Variants in ARHGAP20 observed in about 807,000 individuals in gnomAD.
ARHGAP20 encodes the protein Rho GTPase activating protein 20.
Under a neutral mutation model 73.7 loss-of-function variants are expected in ARHGAP20, and 34 were observed. The observed-to-expected ratio is 0.46, with a 90% CI of 0.35 to 0.61. The LOEUF is 0.61. Among genes scored for constraint, ARHGAP20 ranks in the 20% least tolerant of loss-of-function variants. The probability of loss-of-function intolerance (pLI) is 0.00; values close to 1 mark genes in which losing one functional copy is unlikely to be tolerated. For missense variants in ARHGAP20, 1,314 were observed against 1,420.9 expected (o/e 0.92, Z 1.21); for synonymous variants, 523 against 518.2 (o/e 1.01, Z -0.13).
chr11:110,632,898 AT>A (rs148402313), intron 2 of ARHGAP20, among the ~76,000 whole-genome samples: 2,543 of 152,170 alleles, frequency 0.017, 75 homozygotes, highest in African/African-American at 0.058. Context: ...TTGGCAGGTT[AT>A]GTGTTTTGGA....
intron 6 of ARHGAP20, among the ~76,000 whole-genome samples, chr11:110,611,748 G>A (rs564567183): frequency 7.8e-4 from 119 of 152,156 alleles, no homozygotes; most frequent in African/African-American, 2.8e-3. Context: ...TTTCCATAAG[G>A]CAATGGGTAA....
chr11:110,656,521 TCCTCTTAGTAAGGGAGAGAGTTC>T (rs1210843212), intron 2 of ARHGAP20, among the ~76,000 whole-genome samples: 2 of 152,152 alleles, frequency 1.3e-5, no homozygotes, highest in Non-Finnish European at 2.9e-5. Context: ...TTTGCCTGAG[TCCTCTTAGTAAGGGAGAGAGTTC>T]CCTCTCCAAG....
chr11:110,587,242 C>T (rs1454236579), intron 11 of ARHGAP20, among the ~76,000 whole-genome samples: 1 of 152,138 alleles, frequency 6.6e-6, no homozygotes, highest in African/African-American at 2.4e-5. Flanking sequence ...ATGGCATTAC[C>T]AAGGTCAAGC....
chr11:110,702,048 A>G lies in ARHGAP20; in HGVS notation c.105+10079T>C, dbSNP rs1438595032. Among the ~76,000 whole-genome samples, 4 of 152,048 alleles carry G rather than the reference A, an allele frequency of 2.6e-5. 1 individual carries two copies. The highest frequency in any genetic ancestry group is 1.3e-4 in the Admixed American group (2 of 15,260). On this transcript the variant is annotated intron_variant, in intron 1 of 14. Coordinates refer to ENST00000683387, the MANE Select transcript of ARHGAP20 (RefSeq NM_001384657.1). ...TCCAGCTTTGTTCTTTTGGCTTAGG[A>G]TTGACTTGGCGATGCGGGCTCTTTT...
chr11:110,583,509 C>CTCAG (rs755152832), intron 13 of ARHGAP20, 39 bp downstream of exon 13: 14 of 1,477,374 alleles, frequency 9.5e-6, no homozygotes, highest in Non-Finnish European at 1.2e-5. Flanking sequence ...AAAACGGGGA[C>CTCAG]TCAGTCTCCC....
Position 110,712,185 on chromosome 11 carries a change from C to T in ARHGAP20, c.47G>A (p.Gly16Glu), listed in dbSNP as rs747770813. The change falls in exon 1 of 15, where the codon GGG (glycine) becomes GAG (glutamate). Residue 16 changes from glycine to glutamate, a missense_variant. Gly to Glu is a moderately conservative substitution (Grantham distance 98, BLOSUM62 -2). Transcript: ENST00000683387. ...CACTCCTGTCAGGGAAGAGGAGCGC[C>T]CCGGCTGTCCCCCTAGAGTCTCCTG... ...PQQETLGGQP[G>E]RSSSLTGVSR... The T allele has an allele frequency of 7.3e-7, 1 of 1,360,984 alleles. No individual in the cohort carries two copies. Among genetic ancestry groups the T allele is most frequent in the Admixed American group, 3.0e-5 (1 of 33,660 alleles). 84.3% of individuals were successfully genotyped at this position (1,360,984 alleles called of 1,614,324 possible).
At chr11:110,686,093 A>G (rs1350874910) in intron 2 of ARHGAP20, among the ~76,000 whole-genome samples, 1 of 152,168 alleles carries the variant, frequency 6.6e-6, no homozygotes, top group Non-Finnish European at 1.5e-5. Flanking sequence ...AGTTAGAAGT[A>G]CATCACTGAA....
intron 2 of ARHGAP20, among the ~76,000 whole-genome samples, chr11:110,674,122 G>A (rs1213369890): frequency 2.0e-5 from 3 of 152,024 alleles, no homozygotes; most frequent in Non-Finnish European, 4.4e-5. Context: ...TTTTAGCAGT[G>A]ATGGGGTTTC....
At chr11:110,653,101 C>A (rs1252950970) in intron 2 of ARHGAP20, among the ~76,000 whole-genome samples, 6 of 152,084 alleles carry the variant, frequency 3.9e-5, no homozygotes, top group Non-Finnish European at 7.4e-5. Flanking sequence ...AAATGTAAAA[C>A]CCCAAACTAT....
chr11:110,591,945 C>G (rs762060654), intron 10 of ARHGAP20, 32 bp downstream of exon 10: 50 of 1,606,590 alleles, frequency 3.1e-5, no homozygotes, highest in Non-Finnish European at 3.5e-5. Flanking sequence ...AACACCCTTT[C>G]CCATCAGTTT....
In ARHGAP20 at chr11:110,579,101, C is replaced by G. The variant is rs1947362235; in HGVS notation, c.*269G>C. ...TCTGCAGAAGATGCTTTCTCTAGCCCTCTGTTAGTATCTCTAAAACCACAT... is the reference window on the plus strand; with the variant it reads ...TCTGCAGAAGATGCTTTCTCTAGCCGTCTGTTAGTATCTCTAAAACCACAT... On this transcript the variant is annotated 3_prime_UTR_variant, in exon 15 of 15. Coordinates refer to ENST00000683387, the MANE Select transcript of ARHGAP20 (RefSeq NM_001384657.1). 9.3e-7 allele frequency: 1 copy of G among 1,073,892 alleles called. No individual in the cohort carries two copies. Among genetic ancestry groups the G allele is most frequent in the African/African-American group, 1.6e-5 (1 of 61,032 alleles). 66.5% of individuals were successfully genotyped at this position (1,073,892 alleles called of 1,614,324 possible). A position where few individuals can be genotyped will look rare whatever the true frequency, so the allele number is the denominator to read the frequency against.
At chr11:110,663,679 G>T (rs1163052981) in intron 2 of ARHGAP20, among the ~76,000 whole-genome samples, 2 of 151,944 alleles carry the variant, frequency 1.3e-5, no homozygotes, top group Non-Finnish European at 2.9e-5. Context: ...ACTAATGAAA[G>T]AAATAAAACT....
chr11:110,630,519 A>G, intron 3 of ARHGAP20, 109 bp downstream of exon 3: 3 of 1,167,610 alleles, frequency 2.6e-6, no homozygotes, highest in East Asian at 2.4e-5. Flanking sequence ...GATATTACCT[A>G]TAGTAACAAA....
In ARHGAP20 at chr11:110,684,711, T is replaced by C. The variant is rs145318820; in HGVS notation, c.188+5836A>G. ...TTAGATAAAGAAAATGTGCTACATA[T>C]ATACCATGGAATACTACGCAGACAT... is the stretch of plus-strand genomic sequence containing the variant. On this transcript the variant is annotated intron_variant, in intron 2 of 14. Transcript: ENST00000683387. Among the ~76,000 whole-genome samples the C allele has an allele frequency of 1.1e-3, 174 of 152,302 alleles. 2 individuals carry two copies. The East Asian group carries it at 0.03, about 26-fold the overall frequency.
Position 110,580,880 on chromosome 11 carries a change from G to A in ARHGAP20, c.2066C>T (p.Ala689Val). 13 of 1,612,864 alleles carry A rather than the reference G, an allele frequency of 8.1e-6. No homozygotes were observed. The highest frequency in any genetic ancestry group is 5.9e-6 in the Non-Finnish European group (7 of 1,178,912). The change falls in exon 15 of 15, where the codon GCT (alanine) becomes GTT (valine). Residue 689 changes from alanine to valine, a missense_variant. By Grantham distance (64) the Ala-to-Val change is moderately conservative. Coordinates refer to ENST00000683387, the MANE Select transcript of ARHGAP20 (RefSeq NM_001384657.1). ...CAGGCTTTTTGCAGCATTTGCTGCA[G>A]CTGTGGACAGGTAGCTGGGTGTGCA... ...AMCTPSYLST[A>V]AANAAKSLRR...
Position 110,698,850 on chromosome 11 carries a change from C to T in ARHGAP20, c.106-8221G>A, listed in dbSNP as rs558635750. On this transcript the variant is annotated intron_variant, in intron 1 of 14. Coordinates refer to ENST00000683387, the MANE Select transcript of ARHGAP20 (RefSeq NM_001384657.1). ...CCAGCAGTCTGTCATTTTTGTGTAA[C>T]CTTTCAAATAACCAACTTTTTGTTT... is the stretch of plus-strand genomic sequence containing the variant. Among the ~76,000 whole-genome samples, 4 of 151,752 alleles carry T rather than the reference C, an allele frequency of 2.6e-5. No individual in the cohort carries two copies. The East Asian group carries it at 7.7e-4, about 29-fold the overall frequency.
intron 1 of ARHGAP20, among the ~76,000 whole-genome samples, chr11:110,698,742 C>T (rs1409834953): frequency 6.6e-6 from 1 of 151,770 alleles, no homozygotes; most frequent in African/African-American, 2.4e-5. Context: ...TCTTTTGTAT[C>T]TCTATGTTAT....
intron 2 of ARHGAP20, among the ~76,000 whole-genome samples, chr11:110,645,732 A>G (rs542679268): frequency 6.6e-6 from 1 of 152,182 alleles, no homozygotes; most frequent in African/African-American, 2.4e-5. Context: ...GTGCTCATCA[A>G]TGGTGGATTG....
chr11:110,611,290 G>A lies in ARHGAP20; in HGVS notation c.708+19C>T. On this transcript the variant is annotated intron_variant, in intron 7 of 14. Coordinates refer to ENST00000683387, the MANE Select transcript of ARHGAP20 (RefSeq NM_001384657.1). ...TCAAAGTTTATTTTTAATTAAGAAT[G>A]TCTAGCAGAATAACTTACAGTTATC... is the stretch of plus-strand genomic sequence containing the variant. 1 of 1,450,994 alleles carries A rather than the reference G, an allele frequency of 6.9e-7. No individual in the cohort carries two copies. The highest frequency in any genetic ancestry group is 9.4e-7 in the Non-Finnish European group (1 of 1,064,292). The allele number at this position is 1,450,994 out of a possible 1,614,324, so 89.9% of individuals were successfully genotyped here. A position where few individuals can be genotyped will look rare whatever the true frequency, so the allele number is the denominator to read the frequency against.
Sources: allele counts gnomAD v4.1 joint callset (sites outside exome capture counted in the v4.1 genomes callset), GRCh38; gene constraint gnomAD v4.1.1; transcripts MANE v1.5; gene names NCBI Gene and HGNC (gene_info 2026-07-23, HGNC 2026-07-21).